Variants in TMEM120B observed in about 807,000 individuals in gnomAD.
TMEM120B encodes transmembrane protein 120B.
A neutral mutation model predicts 55.5 loss-of-function variants in TMEM120B; 31 were observed. That is an observed-to-expected ratio of 0.56 (90% CI 0.42 to 0.75). The LOEUF is 0.75. Among genes scored for constraint, TMEM120B ranks in the 30% least tolerant of loss-of-function variants. The probability of loss-of-function intolerance (pLI) is 0.00; values close to 1 mark genes in which losing one functional copy is unlikely to be tolerated. For missense variants in TMEM120B, 399 were observed against 425.5 expected (o/e 0.94, Z 0.55); for synonymous variants, 203 against 176.3 (o/e 1.15, Z -1.20).
At position 121,758,199 on chromosome 12, in the gene TMEM120B, C is replaced by T. The variant is rs141930884; in HGVS notation, c.462-3450C>T. On this transcript the variant is annotated intron_variant, in intron 5 of 11. Transcript: ENST00000449592. The stretch of plus-strand genomic sequence containing the variant: ...CCCTCAGAGGGGCGTCTGTCACTGA[C>T]TCTCTCACAGAGTTCTTTTCCCTGG... 4.8e-4 allele frequency: 477 copies of T among 985,452 alleles called. 1 individual carries two copies. The African/African-American group carries it at 7.9e-3, about 16-fold the overall frequency. The allele number at this position is 985,452 out of a possible 1,614,324, so 61.0% of individuals were successfully genotyped here. A position where few individuals can be genotyped will look rare whatever the true frequency, so the allele number is the denominator to read the frequency against.
intron 6 of TMEM120B, among the ~76,000 whole-genome samples, chr12:121,769,448 A>G (rs1399736340): frequency 6.6e-6 from 1 of 152,130 alleles, no homozygotes; most frequent in African/African-American, 2.4e-5. Flanking sequence ...GGTCACGACT[A>G]TAATCCTAGC....
At chr12:121,766,126 T>C (rs573126215) in intron 6 of TMEM120B, among the ~76,000 whole-genome samples, 1 of 152,254 alleles carries the variant, frequency 6.6e-6, no homozygotes, top group South Asian at 2.1e-4. Context: ...CTGTTTTGTC[T>C]GATGGAGGCG....
chr12:121,750,999 CCCA>C (rs1873295791), intron 4 of TMEM120B, among the ~76,000 whole-genome samples: 1 of 118,674 alleles, frequency 8.4e-6, no homozygotes, highest in Non-Finnish European at 1.8e-5. Flanking sequence ...CACCCCACAC[CCCA>C]TATTCACACC....
At chr12:121,750,332 C>G in intron 3 of TMEM120B, 48 bp from the exon 4 acceptor site, 1 of 1,558,152 alleles carries the variant, frequency 6.4e-7, no homozygotes, top group Non-Finnish European at 8.8e-7. Flanking sequence ...GTTGTTGATT[C>G]GCACCCACCT....
At chr12:121,719,388 C>T (rs921684383) in intron 1 of TMEM120B, among the ~76,000 whole-genome samples, 3 of 152,080 alleles carry the variant, frequency 2.0e-5, no homozygotes, top group Admixed American at 1.3e-4. Flanking sequence ...AGTTTGAGAC[C>T]AGCCTGGGCA....
At chr12:121,738,314 A>T (rs1872816050) in intron 1 of TMEM120B, among the ~76,000 whole-genome samples, 1 of 152,046 alleles carries the variant, frequency 6.6e-6, no homozygotes, top group African/African-American at 2.4e-5. Context: ...AACAAGGATG[A>T]TGTCTTCATG....
rs1321955282 is a variant in TMEM120B, at chr12:121,750,453, ACCCACC to A, written c.365+15_365+20del. 2 of 1,575,504 alleles carry A rather than the reference ACCCACC, an allele frequency of 1.3e-6. No homozygotes were observed. The highest frequency in any genetic ancestry group is 1.7e-6 in the Non-Finnish European group (2 of 1,160,424). On this transcript the variant is annotated intron_variant, in intron 4 of 11. Transcript: ENST00000449592. ...CAACCAGGCCAAGTAAGTGTCCCCCACCCACCACCCAGACCCACACCTCACACCGCC... is the reference window on the plus strand; with the variant it reads ...CAACCAGGCCAAGTAAGTGTCCCCCAACCCAGACCCACACCTCACACCGCC...
chr12:121,775,260 T>TGTGTGC lies in TMEM120B; in HGVS notation c.906+136_906+141dup. On this transcript the variant is annotated intron_variant, in intron 11 of 11. Transcript: ENST00000449592. The surrounding 1 kb of genome is among the most constrained non-coding windows in gnomAD (Gnocchi z 4.3). ...TGGGATGGCAGATGTGGGGGTGGGG[T>TGTGTGC]GTGTGCGTGTGTGTGGTGTGCTGTG... 1 of 806,928 alleles carries TGTGTGC rather than the reference T, an allele frequency of 1.2e-6. No homozygotes were observed. The highest frequency in any genetic ancestry group is 1.8e-6 in the Non-Finnish European group (1 of 569,602). The allele number at this position is 806,928 out of a possible 1,614,324, so 50.0% of individuals were successfully genotyped here. A position where few individuals can be genotyped will look rare whatever the true frequency, so the allele number is the denominator to read the frequency against.
At chr12:121,713,088 G>T in intron 1 of TMEM120B, 124 bp downstream of exon 1, 1 of 712,072 alleles carries the variant, frequency 1.4e-6, no homozygotes. Context: ...GAGAGGCCCT[G>T]GGGGCGGACG....
chr12:121,753,272 G>A (rs1032148799), intron 5 of TMEM120B, among the ~76,000 whole-genome samples: 6 of 152,192 alleles, frequency 3.9e-5, no homozygotes, highest in Non-Finnish European at 8.8e-5. Flanking sequence ...CTATAGAGAC[G>A]GGGAGTAGGT....
chr12:121,758,586 G>T (rs1368822716), intron 5 of TMEM120B: 1 of 980,600 alleles, frequency 1.0e-6, no homozygotes, highest in Non-Finnish European at 1.2e-6. Context: ...CCGTGCTGTG[G>T]TCACCATGGA....
At chr12:121,725,629 A>G (rs1246830501) in intron 1 of TMEM120B, among the ~76,000 whole-genome samples, 3 of 152,196 alleles carry the variant, frequency 2.0e-5, no homozygotes, top group Non-Finnish European at 4.4e-5. Context: ...CTGACTAGCA[A>G]TAAAAGGAAA....
At chr12:121,728,686 G>A (rs938153259) in intron 1 of TMEM120B, among the ~76,000 whole-genome samples, 4 of 152,144 alleles carry the variant, frequency 2.6e-5, no homozygotes, top group African/African-American at 7.2e-5. Context: ...AGCACAGAAC[G>A]TGTTTACTTA....
intron 1 of TMEM120B, among the ~76,000 whole-genome samples, chr12:121,740,082 C>G (rs1872889382): frequency 6.6e-6 from 1 of 152,110 alleles, no homozygotes; most frequent in Non-Finnish European, 1.5e-5. Flanking sequence ...CCCGGCGACT[C>G]CCACAAAACT....
intron 1 of TMEM120B, among the ~76,000 whole-genome samples, chr12:121,740,253 G>C (rs979163434): frequency 2.0e-5 from 3 of 152,092 alleles, no homozygotes; most frequent in Admixed American, 2.0e-4. Context: ...GGGAGGCTGA[G>C]GCAGGTGAAT....
At position 121,748,316 on chromosome 12, in the gene TMEM120B, C is replaced by G. The variant is rs778715621; in HGVS notation, c.189-10C>G. 3 of 1,604,204 alleles carry G rather than the reference C, an allele frequency of 1.9e-6. No individual in the cohort carries two copies. The East Asian group carries it at 6.7e-5, about 36-fold the overall frequency. ...CGCCCCTTCCCCTGTGCCTGCATCT[C>G]TGTCCGCAGGTGCAAACGCCATGCC... On this transcript the variant is annotated splice_polypyrimidine_tract_variant and intron_variant, in intron 2 of 11. Transcript: ENST00000449592.
chr12:121,775,400 A>G lies in TMEM120B; in HGVS notation c.907-209A>G. The G allele has an allele frequency of 3.0e-5, 29 of 981,474 alleles. No homozygotes were observed. The highest frequency in any genetic ancestry group is 3.4e-5 in the Non-Finnish European group (28 of 826,416). 60.8% of individuals were successfully genotyped at this position (981,474 alleles called of 1,614,324 possible). A position where few individuals can be genotyped will look rare whatever the true frequency, so the allele number is the denominator to read the frequency against. On this transcript the variant is annotated intron_variant, in intron 11 of 11. Coordinates refer to ENST00000449592, the MANE Select transcript of TMEM120B (RefSeq NM_001080825.2). The surrounding 1 kb of genome is among the most constrained non-coding windows in gnomAD (Gnocchi z 4.3). ...AGCCTCTCCCAATCTGTGGATCCCA[A>G]GGAGGTTCGCCCCATCGAGCCCTTC...
chr12:121,781,420 G>T lies in TMEM120B; in HGVS notation c.*5698G>T. 1 of 505,218 alleles carries T rather than the reference G, an allele frequency of 2.0e-6. No homozygotes were observed. Among genetic ancestry groups the T allele is most frequent in the Non-Finnish European group, 3.6e-6 (1 of 277,370 alleles). 31.3% of individuals were successfully genotyped at this position (505,218 alleles called of 1,614,324 possible). A position where few individuals can be genotyped will look rare whatever the true frequency, so the allele number is the denominator to read the frequency against. On this transcript the variant is annotated 3_prime_UTR_variant, in exon 12 of 12. Transcript: ENST00000449592. ...CAGGAGGTCAAGGCTACAGTGAGCC[G>T]TGATCATGCCACTGCACTCCAGCCT... is the stretch of plus-strand genomic sequence containing the variant.
chr12:121,713,940 G>T (rs1385096690), intron 1 of TMEM120B, among the ~76,000 whole-genome samples: 1 of 152,160 alleles, frequency 6.6e-6, no homozygotes, highest in Admixed American at 6.6e-5. Flanking sequence ...CCCTGTCCAT[G>T]TACCTCTTGT....
Sources: gnomAD v4.1 joint callset for allele counts (sites outside exome capture counted in the v4.1 genomes callset) on GRCh38, gnomAD v4.1.1 for gene constraint, Gnocchi (gnomAD v3.1) non-coding constraint, MANE v1.5 for transcripts, NCBI Gene and HGNC (gene_info 2026-07-23, HGNC 2026-07-21) for gene names.